Variants in CALN1 observed in about 807,000 individuals in gnomAD.
The protein encoded by CALN1 is calcium-binding protein 8.
In CALN1, 17 loss-of-function variants were observed where a neutral mutation model predicts 30.6. The ratio of observed to expected loss-of-function variants is 0.56; its 90% CI spans 0.38 to 0.83. The LOEUF (loss-of-function observed/expected upper bound fraction) is 0.83. Among genes scored for constraint, CALN1 ranks in the 40% least tolerant of loss-of-function variants. CALN1 has a pLI of 0.00. For synonymous variants in CALN1, 156 were observed against 131.4 expected (o/e 1.19, Z -1.28); for missense variants, 291 against 354.9 (o/e 0.82, Z 1.45).
At chr7:72,261,663 A>G (rs1796281918) in intron 3 of CALN1, among the ~76,000 whole-genome samples, 1 of 152,158 alleles carries the variant, frequency 6.6e-6, no homozygotes, top group Non-Finnish European at 1.5e-5. Context: ...CCTGGGCTCA[A>G]GTAATCCTCC....
At chr7:72,364,273 A>T (rs544797852) in intron 2 of CALN1, among the ~76,000 whole-genome samples, 10 of 124,346 alleles carry the variant, frequency 8.0e-5, no homozygotes, top group Non-Finnish European at 9.9e-5. Flanking sequence ...TTTAGATTAG[A>T]ATTTGATCAA....
intron 4 of CALN1, among the ~76,000 whole-genome samples, chr7:72,095,430 AAC>A (rs571284176): frequency 8.3e-4 from 126 of 152,330 alleles, no homozygotes; most frequent in Non-Finnish European, 1.4e-3. Context: ...ATAATTCACT[AAC>A]ACAGAGTGAA....
intron 1 of CALN1, among the ~76,000 whole-genome samples, chr7:72,427,599 T>C (rs1807836864): frequency 6.6e-6 from 1 of 152,162 alleles, no homozygotes. Context: ...CAAACATCAC[T>C]CCTGAGTAGC....
At chr7:72,360,301 C>A (rs951597075) in intron 2 of CALN1, among the ~76,000 whole-genome samples, 2 of 151,976 alleles carry the variant, frequency 1.3e-5, no homozygotes, top group Admixed American at 1.3e-4. Flanking sequence ...GTGATGTTTT[C>A]CATTTATTTC....
chr7:72,124,851 C>T (rs1808631850), intron 3 of CALN1, among the ~76,000 whole-genome samples: 1 of 151,876 alleles, frequency 6.6e-6, no homozygotes, highest in South Asian at 2.1e-4. Flanking sequence ...ACCAGAATGT[C>T]CCACCAGAGC....
chr7:72,089,287 C>T (rs1805692557), intron 4 of CALN1, among the ~76,000 whole-genome samples: 1 of 151,954 alleles, frequency 6.6e-6, no homozygotes, highest in Admixed American at 6.6e-5. Flanking sequence ...ACGGCCATCA[C>T]TAAAGAGGGT....
chr7:72,017,643 G>A (rs532724086), intron 5 of CALN1, among the ~76,000 whole-genome samples: 18 of 152,202 alleles, frequency 1.2e-4, no homozygotes, highest in Middle Eastern at 3.4e-3. Context: ...CTTGTCTCCC[G>A]ACCTTTAGCC....
Position 72,380,696 on chromosome 7 carries a change from T to C in CALN1, c.119+22555A>G, listed in dbSNP as rs528606798. 4.1e-5 allele frequency among the ~76,000 whole-genome samples: 6 copies of C among 146,978 alleles called. 1 individual carries two copies. The South Asian group carries it at 1.1e-3, about 27-fold the overall frequency. On this transcript the variant is annotated intron_variant, in intron 2 of 6. Transcript: ENST00000395275. ...ATGGATGGATGGATGGATGGATACATACATTAGATTAGATAGATAGATAGA... is the reference window on the plus strand; with the variant it reads ...ATGGATGGATGGATGGATGGATACACACATTAGATTAGATAGATAGATAGA...
intron 5 of CALN1, among the ~76,000 whole-genome samples, chr7:71,972,761 G>A (rs538429988): frequency 2.4e-4 from 36 of 152,258 alleles, no homozygotes; most frequent in Admixed American, 1.2e-3. Flanking sequence ...TTGATGGGCC[G>A]TTAAGCTCCC....
At chr7:72,031,666 C>T (rs552286563) in intron 4 of CALN1, among the ~76,000 whole-genome samples, 132 of 151,066 alleles carry the variant, frequency 8.7e-4, no homozygotes, top group Non-Finnish European at 1.5e-3. Context: ...CTCCTGGGTT[C>T]GAGTGATCTT....
At chr7:72,428,981 G>A (rs1009167324) in intron 1 of CALN1, among the ~76,000 whole-genome samples, 3 of 152,156 alleles carry the variant, frequency 2.0e-5, no homozygotes, top group Admixed American at 6.5e-5. Context: ...GCCCAGCTCA[G>A]CCTGAGAGAA....
rs573273070 is a variant in CALN1, at chr7:72,170,662, C to T, written c.245-64368G>A. 2.0e-5 allele frequency among the ~76,000 whole-genome samples: 3 copies of T among 152,270 alleles called. No homozygotes were observed. The South Asian group carries it at 6.2e-4, about 32-fold the overall frequency. On this transcript the variant is annotated intron_variant, in intron 3 of 6. Transcript: ENST00000395275. ...ATGGGGTTCCTGAGTCATTCTCTGC[C>T]TAATTTAGGTCATCTGTCATTGTCA...
chr7:72,399,063 A>G lies in CALN1; in HGVS notation c.119+4188T>C, dbSNP rs188241452. ...ACTTTGAGAAAAAGGAGTAGAAGAG[A>G]AGGAGGTCACCATCTACAGGTCACC... On this transcript the variant is annotated intron_variant, in intron 2 of 6. Coordinates refer to ENST00000395275, the MANE Select transcript of CALN1 (RefSeq NM_031468.4). Among the ~76,000 whole-genome samples the G allele has an allele frequency of 8.7e-4, 133 of 152,172 alleles. 1 individual carries two copies. The highest frequency in any genetic ancestry group is 1.4e-3 in the Non-Finnish European group (97 of 67,998).
At chr7:72,052,678 G>C (rs977713260) in intron 4 of CALN1, among the ~76,000 whole-genome samples, 1 of 152,152 alleles carries the variant, frequency 6.6e-6, no homozygotes, top group Non-Finnish European at 1.5e-5. Context: ...CAGAGAAGGC[G>C]GATGGAAATC....
intron 3 of CALN1, among the ~76,000 whole-genome samples, chr7:72,232,936 C>T (rs181159347): frequency 1.3e-5 from 2 of 152,032 alleles, no homozygotes; most frequent in Admixed American, 6.5e-5. Flanking sequence ...TCATAATTTG[C>T]TATATTTTTA....
At chr7:71,955,241 G>T (rs1276558324) in intron 5 of CALN1, among the ~76,000 whole-genome samples, 1 of 152,042 alleles carries the variant, frequency 6.6e-6, no homozygotes, top group Non-Finnish European at 1.5e-5. Context: ...ACTACCACGA[G>T]AACAGTATGG....
At chr7:72,181,768 C>T (rs1789827025) in intron 3 of CALN1, among the ~76,000 whole-genome samples, 1 of 152,182 alleles carries the variant, frequency 6.6e-6, no homozygotes, top group African/African-American at 2.4e-5. Context: ...AGCCACCACA[C>T]CCAGCCGACT....
intron 3 of CALN1, among the ~76,000 whole-genome samples, chr7:72,229,680 G>A (rs1273978924): frequency 6.6e-6 from 1 of 151,842 alleles, no homozygotes; most frequent in Non-Finnish European, 1.5e-5. Context: ...ACTAACACAG[G>A]AACAGAAAAC....
intron 2 of CALN1, among the ~76,000 whole-genome samples, chr7:72,288,790 CTA>C (rs1798274175): frequency 6.6e-6 from 1 of 152,156 alleles, no homozygotes; most frequent in Admixed American, 6.6e-5. Context: ...CTTTGTCCTT[CTA>C]TGTTATTGTC....
Sources: allele counts gnomAD v4.1 joint callset (sites outside exome capture counted in the v4.1 genomes callset), GRCh38; gene constraint gnomAD v4.1.1; transcripts MANE v1.5; gene names NCBI Gene and HGNC (gene_info 2026-07-23, HGNC 2026-07-21).